The following FRMD4A variants were observed in gnomAD, a reference collection of about 807,000 sequenced individuals.
FRMD4A encodes the protein FERM domain containing 4A.
In FRMD4A, 29 loss-of-function variants were observed where a neutral mutation model predicts 129.1. That is an observed-to-expected ratio of 0.22 (90% confidence interval 0.17 to 0.31). FRMD4A has a LOEUF of 0.31. FRMD4A is among the 10% of genes least tolerant of loss of function. FRMD4A has a pLI of 1.00. For synonymous variants in FRMD4A, 634 were observed against 571.6 expected (o/e 1.11, Z -1.56); for missense variants, 1,272 against 1,375.8 (o/e 0.92, Z 1.19).
At chr10:14,293,351 G>C (rs1410935310) in intron 2 of FRMD4A, among the ~76,000 whole-genome samples, 4 of 152,138 alleles carry the variant, frequency 2.6e-5, no homozygotes, top group South Asian at 2.1e-4. Context: ...CCGGTGCCAT[G>C]CTCTTGGACT....
Position 14,103,718 on chromosome 10 carries a change from C to T in FRMD4A, c.45+226340G>A, listed in dbSNP as rs534461607. 1.2e-4 allele frequency among the ~76,000 whole-genome samples: 19 copies of T among 152,280 alleles called. No individual in the cohort carries two copies. In the East Asian group the frequency reaches 3.7e-3, roughly 29 times the overall value. On this transcript the variant is annotated intron_variant, in intron 2 of 24. Coordinates refer to ENST00000357447, the MANE Select transcript of FRMD4A (RefSeq NM_018027.5). The stretch of plus-strand genomic sequence containing the variant: ...AATTGCTAAGATAAGGCAGCACACT[C>T]TAAGGGGCACCTTATTTCACTTGCC...
chr10:13,982,977 C>CT (rs2131407622), intron 2 of FRMD4A, among the ~76,000 whole-genome samples: 1 of 152,052 alleles, frequency 6.6e-6, no homozygotes, highest in African/African-American at 2.4e-5. Flanking sequence ...TTTCTTTTTT[C>CT]TTTTTTTGAG....
intron 2 of FRMD4A, among the ~76,000 whole-genome samples, chr10:14,247,398 T>C (rs781779231): frequency 6.6e-6 from 1 of 152,202 alleles, no homozygotes; most frequent in Non-Finnish European, 1.5e-5. Flanking sequence ...AAATTGAAAA[T>C]GCAGCTCATA....
chr10:13,985,711 C>T (rs1312635094), intron 2 of FRMD4A, among the ~76,000 whole-genome samples: 1 of 152,200 alleles, frequency 6.6e-6, no homozygotes, highest in Non-Finnish European at 1.5e-5. Context: ...ACTGGGTTGG[C>T]CTGGGTTTGG....
chr10:13,744,693 T>C (rs2091202599), intron 9 of FRMD4A: 1 of 152,126 alleles, frequency 6.6e-6, no homozygotes, highest in South Asian at 2.1e-4. Flanking sequence ...CGAAGAATGG[T>C]GAGTACAGCT....
chr10:13,789,804 T>TGTGTGTGTGTGTGTG (rs1554898662), intron 5 of FRMD4A, among the ~76,000 whole-genome samples: 8 of 104,098 alleles, frequency 7.7e-5, no homozygotes, highest in African/African-American at 2.8e-4. Flanking sequence ...TGTGTGTGTG[T>TGTGTGTGTGTGTGTG]TGTGTGGTGA....
At chr10:14,327,363 C>T (rs994352945) in intron 2 of FRMD4A, among the ~76,000 whole-genome samples, 1 of 152,190 alleles carries the variant, frequency 6.6e-6, no homozygotes, top group African/African-American at 2.4e-5. Flanking sequence ...AAATAAAGCC[C>T]TCGAATTGGC....
At chr10:13,712,399 A>T (rs2134927906) in intron 12 of FRMD4A, among the ~76,000 whole-genome samples, 1 of 152,242 alleles carries the variant, frequency 6.6e-6, no homozygotes, top group East Asian at 1.9e-4. Flanking sequence ...CTGTAATCCT[A>T]ACTACTCCGG....
Position 13,760,205 on chromosome 10 carries a change from G to A in FRMD4A, c.464+1442C>T, listed in dbSNP as rs945600466. 7.2e-5 allele frequency among the ~76,000 whole-genome samples: 11 copies of A among 152,032 alleles called. No homozygotes were observed. The East Asian group carries it at 2.1e-3, about 29-fold the overall frequency. On this transcript the variant is annotated intron_variant, in intron 8 of 24. Coordinates refer to ENST00000357447, the MANE Select transcript of FRMD4A (RefSeq NM_018027.5). ...GAGTTGTGTAATTGAAACAGAGATC[G>A]TACTGCGTGCAAAACTCAAGATACT...
chr10:13,730,087 G>T (rs1680633981), intron 12 of FRMD4A, among the ~76,000 whole-genome samples: 1 of 152,152 alleles, frequency 6.6e-6, no homozygotes, highest in African/African-American at 2.4e-5. Context: ...TTTGTCTGCA[G>T]GTCTGGGGAC....
At chr10:13,904,992 C>CAAAAAAAAAAAAAAAA (rs397772526) in intron 2 of FRMD4A, among the ~76,000 whole-genome samples, 1 of 109,434 alleles carries the variant, frequency 9.1e-6, no homozygotes, top group African/African-American at 3.6e-5. Context: ...GACTCTATCT[C>CAAAAAAAAAAAAAAAA]AAAAAAAAAA....
rs143164912 is a variant in FRMD4A at position 14,272,295 on chromosome 10, C to T, written c.45+57763G>A. 4.3e-3 allele frequency among the ~76,000 whole-genome samples: 658 copies of T among 152,264 alleles called. 4 individuals carry two copies. The highest frequency in any genetic ancestry group is 0.014 in the African/African-American group (595 of 41,548). On this transcript the variant is annotated intron_variant, in intron 2 of 24. Transcript: ENST00000357447. The stretch of plus-strand genomic sequence containing the variant: ...AGAAAGGGACACATGTCACTTTCCC[C>T]CACAACCATTGGCCAGAAGGAATCA...
chr10:14,234,302 G>A (rs1430093480), intron 2 of FRMD4A, among the ~76,000 whole-genome samples: 1 of 152,136 alleles, frequency 6.6e-6, no homozygotes, highest in East Asian at 1.9e-4. Flanking sequence ...AGTCCCTGGT[G>A]AAATGTCTGT....
At chr10:14,227,377 G>A (rs1843480794) in intron 2 of FRMD4A, among the ~76,000 whole-genome samples, 1 of 148,190 alleles carries the variant, frequency 6.7e-6, no homozygotes, top group African/African-American at 2.5e-5. Context: ...TCAGCATCCT[G>A]AGTAGCTGAG....
chr10:13,869,249 A>G (rs2094411818), intron 2 of FRMD4A, among the ~76,000 whole-genome samples: 1 of 152,222 alleles, frequency 6.6e-6, no homozygotes, highest in Non-Finnish European at 1.5e-5. Flanking sequence ...CTCTGGGCCT[A>G]AAGTGTAGAC....
chr10:13,801,539 G>A (rs1053612924), intron 4 of FRMD4A, among the ~76,000 whole-genome samples: 4 of 152,178 alleles, frequency 2.6e-5, no homozygotes, highest in Non-Finnish European at 4.4e-5. Flanking sequence ...TTAAAGGCTT[G>A]TAGAAGTCTC....
chr10:13,877,793 G>A (rs906019348), intron 2 of FRMD4A, among the ~76,000 whole-genome samples: 1 of 152,174 alleles, frequency 6.6e-6, no homozygotes, highest in African/African-American at 2.4e-5. Context: ...ACACTGGCTG[G>A]CTGCCCCATG....
intron 2 of FRMD4A, among the ~76,000 whole-genome samples, chr10:14,125,876 AAACAG>A (rs1254931389): frequency 6.6e-6 from 1 of 152,074 alleles, no homozygotes; most frequent in African/African-American, 2.4e-5. Context: ...AAACAAAACA[AAACAG>A]AACAAAACAA....
At chr10:13,708,395 C>G (rs1377195737) in intron 12 of FRMD4A, among the ~76,000 whole-genome samples, 3 of 152,202 alleles carry the variant, frequency 2.0e-5, no homozygotes, top group African/African-American at 7.2e-5. Context: ...GGAATAAAAA[C>G]TGCTTCTGGA....
Sources: gnomAD v4.1 joint callset for allele counts (sites outside exome capture counted in the v4.1 genomes callset) on GRCh38, gnomAD v4.1.1 for gene constraint, MANE v1.5 for transcripts, NCBI Gene and HGNC (gene_info 2026-07-23, HGNC 2026-07-21) for gene names.